Variants in TRABD2B observed in about 807,000 individuals in gnomAD.
TRABD2B encodes TraB domain containing 2B, also known as metalloprotease TIKI2.
TRABD2B carries 14 observed loss-of-function variants against 40.1 expected under a neutral mutation model. The observed-to-expected ratio is 0.35, with a 90% CI of 0.23 to 0.55. TRABD2B has a LOEUF of 0.55. Among genes scored for constraint, TRABD2B ranks in the 20% least tolerant of loss-of-function variants. TRABD2B has a pLI of 0.90. For missense variants in TRABD2B, 541 were observed against 648.6 expected (o/e 0.83, Z 1.80); for synonymous variants, 263 against 277.0 (o/e 0.95, Z 0.50).
chr1:47,913,369 G>A (rs1312084506), intron 2 of TRABD2B, among the ~76,000 whole-genome samples: 3 of 152,064 alleles, frequency 2.0e-5, no homozygotes, highest in East Asian at 1.9e-4. Context: ...CTCTGCAAGC[G>A]GGATACTTGG....
rs1401782550 is a variant in TRABD2B, at chr1:47,990,811, A to G, written c.666+3223T>C. Reference sequence around the variant, plus strand: ...TATATATATATATATATATATATATATATATATATATATATATATATATAA... The same window carrying G: ...TATATATATATATATATATATATATGTATATATATATATATATATATATAA... On this transcript the variant is annotated intron_variant, in intron 2 of 6. Coordinates refer to ENST00000606738, the MANE Select transcript of TRABD2B (RefSeq NM_001194986.2). Among the ~76,000 whole-genome samples the G allele has an allele frequency of 2.5e-5, 2 of 78,988 alleles. 1 individual carries two copies. Among genetic ancestry groups the G allele is most frequent in the Admixed American group, 2.7e-4 (2 of 7,350 alleles). The allele number at this position is 78,988 out of a possible 152,430, so 51.8% of individuals were successfully genotyped here. A position where few individuals can be genotyped will look rare whatever the true frequency, so the allele number is the denominator to read the frequency against.
intron 2 of TRABD2B, among the ~76,000 whole-genome samples, chr1:47,916,329 G>A (rs1644830061): frequency 6.6e-6 from 1 of 152,134 alleles, no homozygotes; most frequent in South Asian, 2.1e-4. Context: ...CACTACTGTT[G>A]GGAGCCCTGG....
chr1:47,765,200 T>C lies in TRABD2B; in HGVS notation c.*702A>G, dbSNP rs1644287502. ...CTGGTTCTCTCTGGATCTCAGTTTA[T>C]TCATTTGTTCTGTGGGGTGGGGACT... On this transcript the variant is annotated 3_prime_UTR_variant, in exon 7 of 7. Coordinates refer to ENST00000606738, the MANE Select transcript of TRABD2B (RefSeq NM_001194986.2). 1 of 152,300 alleles carries C rather than the reference T, an allele frequency of 6.6e-6. No individual in the cohort carries two copies. The highest frequency in any genetic ancestry group is 2.4e-5 in the African/African-American group (1 of 41,430). 9.4% of individuals were successfully genotyped at this position (152,300 alleles called of 1,614,324 possible). A position where few individuals can be genotyped will look rare whatever the true frequency, so the allele number is the denominator to read the frequency against.
chr1:47,994,168 C>A lies in TRABD2B; in HGVS notation c.532G>T (p.Val178Leu). ...LMVNSLTERDVRFRGVPVLDL... is the reference protein window; with the variant it reads ...LMVNSLTERDLRFRGVPVLDL... ...AGCACGGGCACACCACGGAAGCGCA[C>A]GTCCCTCTCTGTGAGCGAGTTTACC... The change falls in exon 2 of 7, where the codon GTG becomes TTG. Residue 178 changes from valine to leucine, a missense_variant. This residue lies in a region of TRABD2B where 369 missense variants were observed against 492.8 expected (regional missense o/e 0.75). Coordinates refer to ENST00000606738, the MANE Select transcript of TRABD2B (RefSeq NM_001194986.2). This position sits in a 1 kb window ranked among gnomAD's most constrained non-coding sequence, Gnocchi z 6.7. The A allele has an allele frequency of 6.5e-7, 1 of 1,537,438 alleles. No individual in the cohort carries two copies. The highest frequency in any genetic ancestry group is 8.7e-7 in the Non-Finnish European group (1 of 1,147,350).
At chr1:47,841,291 T>G (rs933530392) in intron 2 of TRABD2B, among the ~76,000 whole-genome samples, 1 of 152,192 alleles carries the variant, frequency 6.6e-6, no homozygotes, top group Non-Finnish European at 1.5e-5. Context: ...TTACCTGTCT[T>G]GTCTCCTAAG....
chr1:47,910,758 A>G (rs1203937010), intron 2 of TRABD2B, among the ~76,000 whole-genome samples: 1 of 152,184 alleles, frequency 6.6e-6, no homozygotes, highest in Non-Finnish European at 1.5e-5. Flanking sequence ...CTCATATGGC[A>G]TAGATTGCTC....
intron 2 of TRABD2B, among the ~76,000 whole-genome samples, chr1:47,913,383 C>T (rs746374531): frequency 1.2e-4 from 18 of 152,126 alleles, no homozygotes; most frequent in Non-Finnish European, 2.4e-4. Context: ...TACTTGGGCG[C>T]GACCTAAGTG....
intron 2 of TRABD2B, among the ~76,000 whole-genome samples, chr1:47,820,782 CCACA>C (rs56348753): frequency 0.48 from 69,925 of 146,840 alleles, 17,261 homozygotes; most frequent in Middle Eastern, 0.63. Context: ...TTCACACACA[CCACA>C]CACACACACA....
chr1:47,852,862 G>GTA (rs1045598257), intron 2 of TRABD2B, among the ~76,000 whole-genome samples: 3 of 152,206 alleles, frequency 2.0e-5, no homozygotes, highest in African/African-American at 4.8e-5. Flanking sequence ...GTATTTCAAA[G>GTA]TATATATATA....
intron 3 of TRABD2B, among the ~76,000 whole-genome samples, chr1:47,797,596 AG>A (rs1467055577): frequency 6.6e-6 from 1 of 152,122 alleles, no homozygotes; most frequent in African/African-American, 2.4e-5. Flanking sequence ...CAAAAGTGAA[AG>A]TTTAAAGCCA....
At chr1:47,840,507 C>T (rs1293804466) in intron 2 of TRABD2B, among the ~76,000 whole-genome samples, 1 of 152,258 alleles carries the variant, frequency 6.6e-6, no homozygotes, top group East Asian at 1.9e-4. Flanking sequence ...CCCTGGTCCA[C>T]AGCATTCTTT....
chr1:47,895,440 C>A (rs768207717), intron 2 of TRABD2B, among the ~76,000 whole-genome samples: 4 of 151,942 alleles, frequency 2.6e-5, no homozygotes, highest in Admixed American at 1.3e-4. Flanking sequence ...CCTGGGACTG[C>A]CCAGCCTGGA....
intron 2 of TRABD2B, among the ~76,000 whole-genome samples, chr1:47,807,619 C>G (rs1644909462): frequency 6.6e-6 from 1 of 151,494 alleles, no homozygotes; most frequent in Admixed American, 6.6e-5. Flanking sequence ...TTTTGTTATT[C>G]ATATTTGTGT....
intron 2 of TRABD2B, among the ~76,000 whole-genome samples, chr1:47,851,757 T>C (rs1645552105): frequency 6.6e-6 from 1 of 152,330 alleles, no homozygotes; most frequent in East Asian, 1.9e-4. Context: ...TACTAAGTAC[T>C]AGACATGAGC....
intron 2 of TRABD2B, chr1:47,819,775 C>T (rs971229722): frequency 2.0e-5 from 3 of 152,158 alleles, no homozygotes; most frequent in African/African-American, 4.8e-5. Context: ...CAGTTCTGAG[C>T]ACGTATTCGG....
At chr1:47,919,764 T>C (rs1644877545) in intron 2 of TRABD2B, among the ~76,000 whole-genome samples, 1 of 152,224 alleles carries the variant, frequency 6.6e-6, no homozygotes, top group Admixed American at 6.5e-5. Context: ...GCTCCTGTCA[T>C]GCCCTTCCAA....
intron 2 of TRABD2B, among the ~76,000 whole-genome samples, chr1:47,825,835 AG>A (rs377719769): frequency 2.0e-3 from 302 of 150,040 alleles, no homozygotes; most frequent in African/African-American, 7.5e-3. Context: ...AACAGTGTGT[AG>A]GGCCTTGGAC....
chr1:47,851,529 G>A lies in TRABD2B; in HGVS notation c.667-49910C>T, dbSNP rs192790812. Reference sequence around the variant, plus strand: ...AGATTGATTTTTGACATTATGCTCAGTAAGAAATTTAGATCTTCTTTTGAG... The same window carrying A: ...AGATTGATTTTTGACATTATGCTCAATAAGAAATTTAGATCTTCTTTTGAG... On this transcript the variant is annotated intron_variant, in intron 2 of 6. Transcript: ENST00000606738. 3.9e-5 allele frequency among the ~76,000 whole-genome samples: 6 copies of A among 152,294 alleles called. No individual in the cohort carries two copies. The East Asian group carries it at 7.7e-4, about 20-fold the overall frequency.
At chr1:47,834,704 CA>C (rs1645296081) in intron 2 of TRABD2B, among the ~76,000 whole-genome samples, 1 of 152,142 alleles carries the variant, frequency 6.6e-6, no homozygotes, top group African/African-American at 2.4e-5. Context: ...GCAGAGACTT[CA>C]ATGGCTTTAC....
Sources: gnomAD v4.1 joint callset for allele counts (sites outside exome capture counted in the v4.1 genomes callset) on GRCh38, gnomAD v4.1.1 for gene constraint, gnomAD v4.1.1 regional missense constraint, Gnocchi (gnomAD v3.1) non-coding constraint, MANE v1.5 for transcripts, NCBI Gene and HGNC (gene_info 2026-07-23, HGNC 2026-07-21) for gene names.